The following SLC2A9 variants were observed in gnomAD, a reference collection of about 807,000 sequenced individuals.
The protein encoded by SLC2A9 is solute carrier family 2, facilitated glucose transporter member 9.
SLC2A9 carries 39 observed loss-of-function variants against 50.6 expected under a neutral mutation model. The ratio of observed to expected loss-of-function variants is 0.77; its 90% CI spans 0.60 to 1.01. SLC2A9 has a LOEUF of 1.01. Among genes scored for constraint, SLC2A9 ranks in the 50% least tolerant of loss-of-function variants. SLC2A9 has a pLI of 0.00. For synonymous variants in SLC2A9, 324 were observed against 276.9 expected (o/e 1.17, Z -1.69); for missense variants, 686 against 677.6 (o/e 1.01, Z -0.14).
chr4:10,024,770 T>C (rs1350820400), upstream of SLC2A9, among the ~76,000 whole-genome samples: 10 of 152,188 alleles, frequency 6.6e-5, no homozygotes, highest in Non-Finnish European at 1.3e-4. Context: ...TTCCTAAGGC[T>C]AAAAAGTTGT....
At chr4:10,016,899 C>T (rs2109503897) in intron 2 of SLC2A9, among the ~76,000 whole-genome samples, 1 of 152,226 alleles carries the variant, frequency 6.6e-6, no homozygotes, top group South Asian at 2.1e-4. Context: ...AGGCCCTCTT[C>T]TTTTGACTCC....
intron 5 of SLC2A9, among the ~76,000 whole-genome samples, chr4:9,967,237 C>T (rs1006549204): frequency 2.6e-4 from 39 of 152,122 alleles, no homozygotes; most frequent in African/African-American, 9.2e-4. Flanking sequence ...GACTTGTTCA[C>T]AACATCAGGT....
intron 2 of SLC2A9, among the ~76,000 whole-genome samples, chr4:10,011,775 T>C (rs1761801453): frequency 6.6e-6 from 1 of 152,160 alleles, no homozygotes; most frequent in Non-Finnish European, 1.5e-5. Flanking sequence ...CAGCAATACA[T>C]GAACAAAAGA....
chr4:10,018,933 C>G, intron 2 of SLC2A9, 42 bp downstream of exon 2: 1 of 1,540,426 alleles, frequency 6.5e-7, no homozygotes, highest in Non-Finnish European at 8.8e-7. Flanking sequence ...AAGGTTTCCG[C>G]AGGGCCGCAG....
chr4:9,907,099 G>T (rs1220022371), intron 8 of SLC2A9, among the ~76,000 whole-genome samples: 1 of 152,260 alleles, frequency 6.6e-6, no homozygotes, highest in Non-Finnish European at 1.5e-5. Context: ...GTGCAAATCA[G>T]TGAGCAAGAG....
chr4:10,019,712 A>C (rs887249993), intron 1 of SLC2A9, among the ~76,000 whole-genome samples: 1 of 152,238 alleles, frequency 6.6e-6, no homozygotes, highest in Non-Finnish European at 1.5e-5. Flanking sequence ...TTACATGCAC[A>C]TACTGTTCCA....
At chr4:10,008,793 C>T (rs1234609394) in intron 2 of SLC2A9, among the ~76,000 whole-genome samples, 2 of 152,048 alleles carry the variant, frequency 1.3e-5, no homozygotes, top group Non-Finnish European at 2.9e-5. Context: ...ACAGGGTTAT[C>T]AGCATAAATC....
intron 2 of SLC2A9, among the ~76,000 whole-genome samples, chr4:10,001,683 T>A: frequency 6.6e-6 from 1 of 152,172 alleles, no homozygotes; most frequent in East Asian, 1.9e-4. Context: ...TTCATCAGGG[T>A]GCTACCAGCA....
rs565360620 is a variant in SLC2A9, at chr4:9,782,056, C to T, written n.386-1991G>A. ...TGCTGCCGCCAGGCAGCAACGGCACCGCGTACCCGGGGCAGTTCGCTCTAT... is the reference window on the plus strand; with the variant it reads ...TGCTGCCGCCAGGCAGCAACGGCACTGCGTACCCGGGGCAGTTCGCTCTAT... On this transcript the variant is annotated intron_variant and non_coding_transcript_variant, in intron 3 of 3. Transcript: ENST00000503803. 9.4e-6 allele frequency: 14 copies of T among 1,484,918 alleles called. No individual in the cohort carries two copies. The African/African-American group carries it at 1.3e-4, about 13-fold the overall frequency. 92.0% of individuals were successfully genotyped at this position (1,484,918 alleles called of 1,614,324 possible).
At chr4:9,801,982 T>G (rs1376691281) in intron 3 of SLC2A9, among the ~76,000 whole-genome samples, 4 of 152,190 alleles carry the variant, frequency 2.6e-5, no homozygotes, top group African/African-American at 4.8e-5. Flanking sequence ...GCTGATTGAT[T>G]GGGCAGCTGT....
Position 9,866,102 on chromosome 4 carries a change from C to T in SLC2A9, c.1291+21465G>A, listed in dbSNP as rs1188045322. Among the ~76,000 whole-genome samples the T allele has an allele frequency of 3.3e-5, 5 of 152,152 alleles. No individual in the cohort carries two copies. In the East Asian group the frequency reaches 9.6e-4, roughly 29 times the overall value. On this transcript the variant is annotated intron_variant, in intron 10 of 11. Coordinates refer to ENST00000264784, the MANE Select transcript of SLC2A9 (RefSeq NM_020041.3). ...AAGGGCCCCAGTCCTTGCTTTGATACTGACTGCAATATGCAGGGCCCGTTA... is the reference window on the plus strand; with the variant it reads ...AAGGGCCCCAGTCCTTGCTTTGATATTGACTGCAATATGCAGGGCCCGTTA...
At chr4:10,001,369 G>C (rs1005650204) in intron 2 of SLC2A9, among the ~76,000 whole-genome samples, 3 of 152,176 alleles carry the variant, frequency 2.0e-5, no homozygotes, top group African/African-American at 7.2e-5. Context: ...AAACAGGCAT[G>C]GGGAGAAGAT....
In SLC2A9 at chr4:9,805,687, GTTTTTTTT is replaced by G. The variant is rs58280694; in HGVS notation, n.421-6454_421-6447del. On this transcript the variant is annotated intron_variant and non_coding_transcript_variant, in intron 3 of 3. Coordinates refer to the SLC2A9 transcript ENST00000503280. ...CTTCAGCCTGCGCAGCAGGGTGTCA[GTTTTTTTT>G]TTTTTTTTTTGTCTCAAAAAAAAAA... 8.4e-3 allele frequency among the ~76,000 whole-genome samples: 991 copies of G among 117,812 alleles called. 8 individuals are homozygous for G. Among genetic ancestry groups the G allele is most frequent in the African/African-American group, 0.029 (939 of 31,914 alleles). The allele number at this position is 117,812 out of a possible 152,430, so 77.3% of individuals were successfully genotyped here.
chr4:10,022,466 G>A (rs1441794565), upstream of SLC2A9, among the ~76,000 whole-genome samples: 8 of 152,258 alleles, frequency 5.3e-5, no homozygotes, highest in African/African-American at 1.9e-4. Flanking sequence ...GTACTGAGAA[G>A]GCAAGGGCCT....
intron 9 of SLC2A9, among the ~76,000 whole-genome samples, 160 bp downstream of exon 9, chr4:9,890,450 G>C (rs1737165016): frequency 6.6e-6 from 1 of 152,156 alleles, no homozygotes; most frequent in Non-Finnish European, 1.5e-5. Flanking sequence ...TCTTCACTGA[G>C]ACCCTCAGCA....
intron 2 of SLC2A9, among the ~76,000 whole-genome samples, chr4:9,998,041 G>A (rs1653038775): frequency 6.6e-6 from 1 of 152,208 alleles, no homozygotes; most frequent in African/African-American, 2.4e-5. Flanking sequence ...CAGAATGCCT[G>A]ACATCATTAG....
At chr4:9,954,495 G>A (rs564122006) in intron 5 of SLC2A9, among the ~76,000 whole-genome samples, 3 of 152,352 alleles carry the variant, frequency 2.0e-5, no homozygotes, top group Admixed American at 2.0e-4. Context: ...GGGGTTACTG[G>A]GTGACAGCCA....
Position 9,992,508 on chromosome 4 carries a change from T to A in SLC2A9, c.410+4273A>T, listed in dbSNP as rs116801488. 9.0e-3 allele frequency among the ~76,000 whole-genome samples: 1,367 copies of A among 152,298 alleles called. 16 individuals are homozygous for A. Among genetic ancestry groups the A allele is most frequent in the African/African-American group, 0.032 (1,312 of 41,544 alleles). Reference sequence around the variant, plus strand: ...CAAATGTCCCCTGATGAGGCAACATTGCCCTCTGGTTGAGAACCCTTGAAC... The same window carrying A: ...CAAATGTCCCCTGATGAGGCAACATAGCCCTCTGGTTGAGAACCCTTGAAC... On this transcript the variant is annotated intron_variant, in intron 3 of 11. Coordinates refer to ENST00000264784, the MANE Select transcript of SLC2A9 (RefSeq NM_020041.3).
At chr4:10,003,376 G>A (rs931509741) in intron 2 of SLC2A9, among the ~76,000 whole-genome samples, 2 of 152,152 alleles carry the variant, frequency 1.3e-5, no homozygotes, top group African/African-American at 4.8e-5. Flanking sequence ...TCAGGAGCCT[G>A]GTGGGAAAAG....
Sources: gnomAD v4.1 joint callset for allele counts (sites outside exome capture counted in the v4.1 genomes callset) on GRCh38, gnomAD v4.1.1 for gene constraint, MANE v1.5 for transcripts, NCBI Gene and HGNC (gene_info 2026-07-23, HGNC 2026-07-21) for gene names.